SHC3: variants seen among roughly 807,000 people sequenced by gnomAD.
SHC3 encodes the protein SHC adaptor protein 3, also known as SHC-transforming protein 3.
SHC3 carries 15 observed loss-of-function variants against 60.4 expected under a neutral mutation model. The ratio of observed to expected loss-of-function variants is 0.25; its 90% confidence interval spans 0.17 to 0.38. The LOEUF is 0.38. Among genes scored for constraint, SHC3 ranks in the 10% least tolerant of loss-of-function variants. SHC3 has a pLI of 1.00. For synonymous variants in SHC3, 294 were observed against 325.9 expected (o/e 0.90, Z 1.05); for missense variants, 677 against 786.1 (o/e 0.86, Z 1.66).
At chr9:89,157,924 G>A (rs561383094) in intron 1 of SHC3, among the ~76,000 whole-genome samples, 1 of 152,090 alleles carries the variant, frequency 6.6e-6, no homozygotes, top group African/African-American at 2.4e-5. Context: ...CCATGCCCAG[G>A]CTGGTGTATC....
chr9:89,126,892 C>T (rs1021162589), intron 1 of SHC3, among the ~76,000 whole-genome samples: 1 of 152,192 alleles, frequency 6.6e-6, no homozygotes, highest in African/African-American at 2.4e-5. Flanking sequence ...GATGACCCAA[C>T]AAACTGGTCA....
Position 89,038,092 on chromosome 9 carries a change from G to A in SHC3, c.1557C>T (p.Phe519=), listed in dbSNP as rs867373491. 1 of 1,614,120 alleles carries A rather than the reference G, an allele frequency of 6.2e-7. No homozygotes were observed. Among genetic ancestry groups the A allele is most frequent in the East Asian group, 2.2e-5 (1 of 44,872 alleles). ...GGTTGGTGGTGCTCTTCCTGACCAG[G>A]AAGTCTCCGTCTTTCTCCAGCAGCC... The part of the protein sequence containing the change: ...AEGLLEKDGD[F]LVRKSTTNPG... Residue 519 remains phenylalanine (F), a synonymous_variant, in exon 11 of 12, where the codon TTC becomes TTT. Coordinates refer to ENST00000375835, the MANE Select transcript of SHC3 (RefSeq NM_016848.6).
intron 1 of SHC3, among the ~76,000 whole-genome samples, chr9:89,153,581 C>G (rs557959302): frequency 6.6e-6 from 1 of 152,188 alleles, no homozygotes; most frequent in African/African-American, 2.4e-5. Flanking sequence ...AGCTGAGAAC[C>G]CTCATTTGGG....
At chr9:89,112,426 C>G in intron 2 of SHC3, 130 bp downstream of exon 2, 1 of 884,044 alleles carries the variant, frequency 1.1e-6, no homozygotes, top group Non-Finnish European at 1.8e-6. Context: ...GAGGACAGTA[C>G]TGACTCACTG....
At chr9:89,130,935 T>TA (rs973840590) in intron 1 of SHC3, among the ~76,000 whole-genome samples, 2 of 151,722 alleles carry the variant, frequency 1.3e-5, no homozygotes, top group Non-Finnish European at 2.9e-5. Flanking sequence ...GATAGAGACA[T>TA]AAAAAACCCT....
intron 1 of SHC3, among the ~76,000 whole-genome samples, chr9:89,170,148 G>A (rs1228866574): frequency 1.3e-5 from 2 of 152,198 alleles, no homozygotes; most frequent in Non-Finnish European, 2.9e-5. Context: ...GGAGGGATGC[G>A]CTAAATCCTG....
At chr9:89,027,462 A>G (rs7030559) in intron 11 of SHC3, among the ~76,000 whole-genome samples, 103,718 of 151,544 alleles carry the variant, frequency 0.68, 36,290 homozygotes, top group East Asian at 0.99. Context: ...GACTACAGGC[A>G]CCTGCCACCT....
chr9:89,152,539 C>T (rs1040726641), intron 1 of SHC3, among the ~76,000 whole-genome samples: 10 of 152,214 alleles, frequency 6.6e-5, no homozygotes, highest in African/African-American at 2.4e-4. Context: ...TTCTAGATGC[C>T]TGTGTGCAAT....
chr9:89,129,740 A>G (rs1436516193), intron 1 of SHC3, among the ~76,000 whole-genome samples: 2 of 152,222 alleles, frequency 1.3e-5, no homozygotes, highest in African/African-American at 4.8e-5. Context: ...CCTGCCTTAC[A>G]AGAGCTCCTG....
intron 2 of SHC3, among the ~76,000 whole-genome samples, chr9:89,088,247 C>T (rs1825564174): frequency 6.6e-6 from 1 of 152,206 alleles, no homozygotes; most frequent in South Asian, 2.1e-4. Flanking sequence ...ATAACTCTTT[C>T]AACCAATTGC....
chr9:89,126,880 A>C (rs901568396), intron 1 of SHC3, among the ~76,000 whole-genome samples: 7 of 152,304 alleles, frequency 4.6e-5, no homozygotes, highest in Non-Finnish European at 1.0e-4. Flanking sequence ...CCTGCTGTTC[A>C]AGATGACCCA....
rs79358405 is a variant in SHC3 at position 89,088,960 on chromosome 9, G to A, written c.546-11057C>T. On this transcript the variant is annotated intron_variant, in intron 2 of 11. Transcript: ENST00000375835. ...CCTGCAAGGCAAGAGAGAAGATGCTGGTTTATTCTTCACAAACTGTGAACG... is the reference window on the plus strand; with the variant it reads ...CCTGCAAGGCAAGAGAGAAGATGCTAGTTTATTCTTCACAAACTGTGAACG... The A allele has an allele frequency of 5.5e-3, 836 of 152,372 alleles. 8 individuals carry two copies. Among genetic ancestry groups the A allele is most frequent in the African/African-American group, 0.019 (783 of 41,568 alleles). The allele number at this position is 152,372 out of a possible 1,614,324, so 9.4% of individuals were successfully genotyped here.
chr9:89,152,977 G>A (rs1237548335), intron 1 of SHC3, among the ~76,000 whole-genome samples: 1 of 152,128 alleles, frequency 6.6e-6, no homozygotes, highest in Admixed American at 6.5e-5. Flanking sequence ...GGATACCCCT[G>A]GGAGGTATCA....
chr9:89,119,172 A>G (rs1287499170), intron 1 of SHC3, among the ~76,000 whole-genome samples: 1 of 152,160 alleles, frequency 6.6e-6, no homozygotes. Flanking sequence ...AAAAAATTAT[A>G]TATCACTGTA....
chr9:89,132,761 A>G (rs548615341), intron 1 of SHC3, among the ~76,000 whole-genome samples: 1 of 152,372 alleles, frequency 6.6e-6, no homozygotes, highest in African/African-American at 2.4e-5. Context: ...AATTAATTCA[A>G]GATGGATTAA....
chr9:89,065,790 T>C (rs1029803120), intron 5 of SHC3, among the ~76,000 whole-genome samples: 2 of 152,072 alleles, frequency 1.3e-5, no homozygotes, highest in Non-Finnish European at 2.9e-5. Context: ...AGACTTTGAC[T>C]CAGCAGGTCA....
chr9:89,144,145 G>T (rs57403327), intron 1 of SHC3, among the ~76,000 whole-genome samples: 3 of 152,274 alleles, frequency 2.0e-5, no homozygotes, highest in East Asian at 3.9e-4. Flanking sequence ...GTGTGCATAC[G>T]CACAGAAAAG....
chr9:89,092,337 G>T (rs766081859), intron 2 of SHC3, among the ~76,000 whole-genome samples: 4 of 152,184 alleles, frequency 2.6e-5, no homozygotes, highest in Admixed American at 6.5e-5. Context: ...ATCAGGTTTG[G>T]CCTGGCGCAG....
intron 1 of SHC3, among the ~76,000 whole-genome samples, chr9:89,129,135 T>C (rs1341296446): frequency 6.6e-6 from 1 of 152,042 alleles, no homozygotes; most frequent in South Asian, 2.1e-4. Context: ...ACTGATTTGA[T>C]TAAGTGGAAG....
Sources: allele counts gnomAD v4.1 joint callset (sites outside exome capture counted in the v4.1 genomes callset), GRCh38; gene constraint gnomAD v4.1.1; transcripts MANE v1.5; gene names NCBI Gene and HGNC (gene_info 2026-07-23, HGNC 2026-07-21).